Variants in CASZ1 observed in about 807,000 individuals in gnomAD.
The protein encoded by CASZ1 is zinc finger protein castor homolog 1.
Under a neutral mutation model 135.2 loss-of-function variants are expected in CASZ1, and 28 were observed. That is an observed-to-expected ratio of 0.21 (90% CI 0.15 to 0.28). CASZ1 has a LOEUF of 0.28. CASZ1 is among the 10% of genes least tolerant of loss of function. CASZ1 has a pLI of 1.00. For synonymous variants in CASZ1, 1,068 were observed against 1,073.4 expected (o/e 0.99, Z 0.10); for missense variants, 2,161 against 2,453.3 (o/e 0.88, Z 2.52).
At chr1:10,740,950 CCT>C (rs1228956974) in intron 2 of CASZ1, among the ~76,000 whole-genome samples, 1 of 85,990 alleles carries the variant, frequency 1.2e-5, no homozygotes, top group Non-Finnish European at 2.4e-5. Flanking sequence ...AGGGTGAGAC[CCT>C]GTCTGGACAA....
rs199822853 is a variant in CASZ1 at position 10,660,452 on chromosome 1, C to A, written c.590G>T (p.Arg197Leu). The A allele has an allele frequency of 1.2e-6, 2 of 1,614,152 alleles. No homozygotes were observed. Among genetic ancestry groups the A allele is most frequent in the Non-Finnish European group, 1.7e-6 (2 of 1,180,010 alleles). The stretch of plus-strand genomic sequence containing the variant: ...GCTGATCTTCCTGGCCAGCTCGTCC[C>A]GCGTGTTCTGGTCATCATAGCCAAA... ...GMFGYDDQNT[R>L]DELARKISFE... Residue 197 changes from arginine (R) to leucine (L), a missense_variant, in exon 6 of 21, where the codon CGG (arginine) becomes CTG (leucine). Arg to Leu is a moderately radical substitution (Grantham distance 102). Around this residue, in one of 7 missense-constraint regions of CASZ1, gnomAD observed 590 missense variants for 609.8 expected, o/e 0.97. Transcript: ENST00000377022.
chr1:10,658,723 C>T (rs867261040), intron 6 of CASZ1, 147 bp from the exon 7 acceptor site: 22 of 683,164 alleles, frequency 3.2e-5, no homozygotes, highest in African/African-American at 7.1e-5. Context: ...GGACTGAGGA[C>T]ATCCCTGGCA....
At chr1:10,672,502 G>T (rs937908299) in intron 4 of CASZ1, among the ~76,000 whole-genome samples, 8 of 120,832 alleles carry the variant, frequency 6.6e-5, no homozygotes, top group African/African-American at 2.6e-4. Flanking sequence ...CCCCCTCCCC[G>T]GGCCCAATCT....
At chr1:10,698,566 CAAAATCCTTGA>C (rs1638993058) in intron 3 of CASZ1, among the ~76,000 whole-genome samples, 1 of 151,886 alleles carries the variant, frequency 6.6e-6, no homozygotes, top group Non-Finnish European at 1.5e-5. Context: ...GAAAGGCCAG[CAAAATCCTTGA>C]AAAATGCCCT....
chr1:10,637,913 C>CT lies in CASZ1; in HGVS notation c.*1028dup, dbSNP rs1642049176. The CT allele has an allele frequency of 6.6e-6, 1 of 152,226 alleles. No homozygotes were observed. Among genetic ancestry groups the CT allele is most frequent in the African/African-American group, 2.4e-5 (1 of 41,366 alleles). 9.4% of individuals were successfully genotyped at this position (152,226 alleles called of 1,614,324 possible). A position where few individuals can be genotyped will look rare whatever the true frequency, so the allele number is the denominator to read the frequency against. On this transcript the variant is annotated 3_prime_UTR_variant, in exon 21 of 21. Coordinates refer to ENST00000377022, the MANE Select transcript of CASZ1 (RefSeq NM_001079843.3). ...CAAACTTGGATCAACAGTAATAGTC[C>CT]TTTTTTCTTGTCTCTACAAAATTCA...
rs1461940130 is a variant in CASZ1, at chr1:10,739,566, C to A, written c.-77+21135G>T. Among the ~76,000 whole-genome samples, 2 of 152,226 alleles carry A rather than the reference C, an allele frequency of 1.3e-5. No individual in the cohort carries two copies. The highest frequency in any genetic ancestry group is 2.9e-5 in the Non-Finnish European group (2 of 68,034). On this transcript the variant is annotated intron_variant, in intron 2 of 20. Transcript: ENST00000377022. The surrounding 1 kb of genome is among the most constrained non-coding windows in gnomAD (Gnocchi z 4.8). ...CCGGGCCCACTCCCCGTTCTCCCAG[C>A]CTTGCTGGCTACTTCCACTCCCCAA...
chr1:10,783,475 A>G (rs1327647633), intron 1 of CASZ1, among the ~76,000 whole-genome samples: 1 of 152,122 alleles, frequency 6.6e-6, no homozygotes, highest in Non-Finnish European at 1.5e-5. Flanking sequence ...GGTGGGGGTC[A>G]CTGAAAGTAA....
rs1034250655 is a variant in CASZ1 at position 10,756,510 on chromosome 1, A to C, written c.-77+4191T>G. On this transcript the variant is annotated intron_variant, in intron 2 of 20. Coordinates refer to ENST00000377022, the MANE Select transcript of CASZ1 (RefSeq NM_001079843.3). The surrounding 1 kb of genome is among the most constrained non-coding windows in gnomAD (Gnocchi z 5.9). ...CAGGCCTCTGGCTTGCTCCAGGGCT[A>C]CAGGGCAGTGCCCAGGGCGGCATGG... is the stretch of plus-strand genomic sequence containing the variant. Among the ~76,000 whole-genome samples, 4 of 152,224 alleles carry C rather than the reference A, an allele frequency of 2.6e-5. No homozygotes were observed. The highest frequency in any genetic ancestry group is 2.6e-4 in the Admixed American group (4 of 15,284).
At position 10,653,614 on chromosome 1, in the gene CASZ1, C is replaced by A; in HGVS notation, c.2443G>T (p.Val815Leu). 1 of 1,552,358 alleles carries A rather than the reference C, an allele frequency of 6.4e-7. No individual in the cohort carries two copies. ...GCACCCAGGAGGCTGGGGGTGCCCA[C>A]AGGCAGGGAGGTGCTCCCACGGCCA... ...LAGRGSTSLP[V>L]GTPSLLGAVS... Residue 815 changes from valine to leucine, a missense_variant, in exon 11 of 21, where the codon GTG (valine) becomes TTG (leucine). Physicochemically the swap from Val to Leu is conservative, Grantham distance 32 (BLOSUM62 1). Around this residue, in one of 7 missense-constraint regions of CASZ1, gnomAD observed 406 missense variants for 387.6 expected, o/e 1.05. Coordinates refer to ENST00000377022, the MANE Select transcript of CASZ1 (RefSeq NM_001079843.3).
At chr1:10,692,610 C>A (rs541464256) in intron 4 of CASZ1, among the ~76,000 whole-genome samples, 1 of 152,312 alleles carries the variant, frequency 6.6e-6, no homozygotes, top group East Asian at 1.9e-4. Context: ...CACGTCAGAC[C>A]AGCCAAGATC....
rs1638885087 is a variant in CASZ1 at position 10,694,718 on chromosome 1, G to C, written c.-23-806C>G. ...GCGCGCCCCCGCCGCGCGCGCCCGC[G>C]CCGCACTGGCAGGGCGGCCGGCTCC... is the stretch of plus-strand genomic sequence containing the variant. On this transcript the variant is annotated intron_variant, in intron 3 of 20. Coordinates refer to ENST00000377022, the MANE Select transcript of CASZ1 (RefSeq NM_001079843.3). The surrounding 1 kb of genome is among the most constrained non-coding windows in gnomAD (Gnocchi z 6.6). 1.4e-5 allele frequency among the ~76,000 whole-genome samples: 2 copies of C among 140,606 alleles called. No homozygotes were observed. Among genetic ancestry groups the C allele is most frequent in the African/African-American group, 2.5e-5 (1 of 39,272 alleles). 92.2% of individuals were successfully genotyped at this position (140,606 alleles called of 152,430 possible). A position where few individuals can be genotyped will look rare whatever the true frequency, so the allele number is the denominator to read the frequency against.
In CASZ1 at chr1:10,711,951, G is replaced by C. The variant is rs1269005643; in HGVS notation, c.-76-6407C>G. Among the ~76,000 whole-genome samples, 1 of 152,124 alleles carries C rather than the reference G, an allele frequency of 6.6e-6. No homozygotes were observed. The highest frequency in any genetic ancestry group is 1.5e-5 in the Non-Finnish European group (1 of 68,030). ...GGGACAGTGAGGAGGGACTGCTAAG[G>C]GGTTCAGGGTTTCTGTCTGGAGTGA... On this transcript the variant is annotated intron_variant, in intron 2 of 20. Coordinates refer to ENST00000377022, the MANE Select transcript of CASZ1 (RefSeq NM_001079843.3). This position sits in a 1 kb window ranked among gnomAD's most constrained non-coding sequence, Gnocchi z 4.4.
rs1639410411 is a variant in CASZ1 at position 10,717,200 on chromosome 1, T to C, written c.-76-11656A>G. ...ATTTTTACCTAATGACAGAAAAATC[T>C]ACGAACGCCTGCCTATCAGCACTTT... On this transcript the variant is annotated intron_variant, in intron 2 of 20. Coordinates refer to ENST00000377022, the MANE Select transcript of CASZ1 (RefSeq NM_001079843.3). This position sits in a 1 kb window ranked among gnomAD's most constrained non-coding sequence, Gnocchi z 4.6. 6.6e-6 allele frequency among the ~76,000 whole-genome samples: 1 copy of C among 152,166 alleles called. No homozygotes were observed. Among genetic ancestry groups the C allele is most frequent in the South Asian group, 2.1e-4 (1 of 4,828 alleles).
chr1:10,682,854 G>A (rs753346710), intron 4 of CASZ1, among the ~76,000 whole-genome samples: 8 of 152,242 alleles, frequency 5.3e-5, no homozygotes, highest in Non-Finnish European at 7.3e-5. Context: ...GCCCTTGGAG[G>A]CGTGGTGCCA....
Position 10,665,521 on chromosome 1 carries a change from G to T in CASZ1, c.67C>A (p.Pro23Thr). Residue 23 changes from proline to threonine, a missense_variant, in exon 5 of 21, where the codon CCC (proline) becomes ACC (threonine). Pro to Thr is a conservative substitution (Grantham distance 38). Transcript: ENST00000377022. ...DPPAGKPAMA[P>T]KRKGGLKLNA... ...AGCTTCAGGCCACCCTTGCGTTTGGGCGCCATGGCGGGCTTGCCTGCAGGC... is the reference window on the plus strand; with the variant it reads ...AGCTTCAGGCCACCCTTGCGTTTGGTCGCCATGGCGGGCTTGCCTGCAGGC... 1.3e-6 allele frequency: 2 copies of T among 1,598,200 alleles called. No individual in the cohort carries two copies. Among genetic ancestry groups the T allele is most frequent in the South Asian group, 1.1e-5 (1 of 90,230 alleles).
At chr1:10,683,512 G>A (rs562229431) in intron 4 of CASZ1, among the ~76,000 whole-genome samples, 33 of 152,214 alleles carry the variant, frequency 2.2e-4, no homozygotes, top group African/African-American at 7.2e-4. Context: ...CCAGTGAACC[G>A]GGGGGCAAGG....
chr1:10,680,387 T>A (rs521513), intron 4 of CASZ1, among the ~76,000 whole-genome samples: 61,054 of 151,278 alleles, frequency 0.4, 13,319 homozygotes, highest in Non-Finnish European at 0.47. Context: ...CCCACAGGTC[T>A]GTCTGCAGGC....
At position 10,667,511 on chromosome 1, in the gene CASZ1, C is replaced by T. The variant is rs553421444; in HGVS notation, c.17-1940G>A. Among the ~76,000 whole-genome samples, 185 of 152,304 alleles carry T rather than the reference C, an allele frequency of 1.2e-3. 1 individual carries two copies. The Middle Eastern group carries it at 0.014, about 11-fold the overall frequency. On this transcript the variant is annotated intron_variant, in intron 4 of 20. Transcript: ENST00000377022. ...CGGGGCCCCTCTCGAAGTTCTGAGA[C>T]GGGGCCTCCTCTTCACAGCATCCCA... is the stretch of plus-strand genomic sequence containing the variant.
chr1:10,780,472 G>A (rs188248421), intron 1 of CASZ1, among the ~76,000 whole-genome samples: 170 of 152,142 alleles, frequency 1.1e-3, no homozygotes, highest in African/African-American at 3.7e-3. Flanking sequence ...ATCCCTCCCC[G>A]GTGGCCCCAG....
Sources: gnomAD v4.1 joint callset for allele counts (sites outside exome capture counted in the v4.1 genomes callset) on GRCh38, gnomAD v4.1.1 for gene constraint, gnomAD v4.1.1 regional missense constraint, Gnocchi (gnomAD v3.1) non-coding constraint, MANE v1.5 for transcripts, NCBI Gene and HGNC (gene_info 2026-07-23, HGNC 2026-07-21) for gene names.